ACOXL: variants seen among roughly 807,000 people sequenced by gnomAD.
ACOXL encodes the protein acyl-CoA oxidase like.
A neutral mutation model predicts 71.9 loss-of-function variants in ACOXL; 70 were observed. The ratio of observed to expected loss-of-function variants is 0.97; its 90% CI spans 0.80 to 1.19. The LOEUF is 1.19. Ranked by LOEUF, ACOXL falls within the 50% of genes most tolerant of loss-of-function variation. ACOXL has a pLI of 0.00. For synonymous variants in ACOXL, 253 were observed against 281.6 expected, an observed-to-expected ratio of 0.90 and a Z score of 1.02; for missense variants, 703 against 736.3, an observed-to-expected ratio of 0.95 and a Z score of 0.52.
At chr2:111,006,255 T>C (rs1292127702) in intron 14 of ACOXL, among the ~76,000 whole-genome samples, 1 of 152,226 alleles carries the variant, frequency 6.6e-6, no homozygotes, top group Non-Finnish European at 1.5e-5. Context: ...CCCTCTTTGC[T>C]CACTGGGGCT....
rs530275837 is a variant in ACOXL at position 110,996,236 on chromosome 2, C to T, written c.1281+232C>T. Among the ~76,000 whole-genome samples the T allele has an allele frequency of 7.2e-5, 11 of 152,238 alleles. No individual in the cohort carries two copies. The South Asian group carries it at 2.1e-3, about 29-fold the overall frequency. On this transcript the variant is annotated intron_variant, in intron 14 of 17. Coordinates refer to ENST00000439055, the MANE Select transcript of ACOXL (RefSeq NM_001142807.4). ...CTTGTAGAATTCCACCTGCAGGCAT[C>T]ATGTGGCTGCCATGGGAGTTGATGA...
At chr2:111,093,023 T>G in intron 17 of ACOXL, 57 bp downstream of exon 17, 1 of 1,439,036 alleles carries the variant, frequency 6.9e-7, no homozygotes, top group South Asian at 1.2e-5. Flanking sequence ...TCTCCTTGCT[T>G]TCTTAGAAAA....
intron 15 of ACOXL, among the ~76,000 whole-genome samples, chr2:111,045,143 G>A (rs1253337785): frequency 1.3e-5 from 2 of 152,196 alleles, no homozygotes; most frequent in Non-Finnish European, 2.9e-5. Context: ...GAGTCCCTTA[G>A]GGAGACTCAT....
At chr2:110,946,924 T>C (rs2061131610) in intron 12 of ACOXL, among the ~76,000 whole-genome samples, 2 of 152,146 alleles carry the variant, frequency 1.3e-5, no homozygotes, top group South Asian at 4.2e-4. Context: ...TCCCCTTTGG[T>C]GAGTCAAGGA....
intron 3 of ACOXL, 42 bp from the exon 4 acceptor site, chr2:110,793,608 C>T: frequency 6.4e-7 from 1 of 1,559,206 alleles, no homozygotes; most frequent in South Asian, 1.1e-5. Flanking sequence ...CTTTAGATTG[C>T]TGACTGTTGC....
At chr2:110,752,039 T>C (rs78407961) in intron 1 of ACOXL, among the ~76,000 whole-genome samples, 4 of 150,002 alleles carry the variant, frequency 2.7e-5, no homozygotes, top group Middle Eastern at 3.5e-3. Flanking sequence ...TTTTTTTTTT[T>C]CCAGATGGAG....
chr2:110,933,439 G>A lies in ACOXL; in HGVS notation c.906-50G>A, dbSNP rs2060551031. ...TCACAGATAATGCTCCTTCACACAT[G>A]TGCTGACTGCACCGCCACTTCCATC... On this transcript the variant is annotated intron_variant, in intron 11 of 17. Transcript: ENST00000439055. The A allele has an allele frequency of 3.2e-6, 5 of 1,586,958 alleles. No individual in the cohort carries two copies. The South Asian group carries it at 3.4e-5, about 11-fold the overall frequency.
intron 10 of ACOXL, among the ~76,000 whole-genome samples, chr2:110,862,204 C>T (rs914553794): frequency 6.6e-6 from 1 of 152,192 alleles, no homozygotes; most frequent in Admixed American, 6.5e-5. Context: ...GTCTCAGCCA[C>T]ATGCGACATT....
chr2:110,773,491 C>A (rs139567222), intron 2 of ACOXL, among the ~76,000 whole-genome samples: 1 of 152,350 alleles, frequency 6.6e-6, no homozygotes, highest in Non-Finnish European at 1.5e-5. Flanking sequence ...CCAGGCCCCA[C>A]CCTGTTGCCC....
chr2:110,787,872 C>T (rs1249195003), intron 3 of ACOXL, among the ~76,000 whole-genome samples: 1 of 152,192 alleles, frequency 6.6e-6, no homozygotes, highest in Non-Finnish European at 1.5e-5. Context: ...CCCATCCACT[C>T]GCTGTCACCT....
intron 1 of ACOXL, among the ~76,000 whole-genome samples, chr2:110,743,975 G>A (rs1054759827): frequency 1.3e-5 from 2 of 152,204 alleles, no homozygotes; most frequent in Admixed American, 6.5e-5. Flanking sequence ...CTTCTGCTGG[G>A]TACAATTGGG....
At chr2:110,825,249 A>AT (rs748777218) in intron 9 of ACOXL, among the ~76,000 whole-genome samples, 1 of 152,124 alleles carries the variant, frequency 6.6e-6, no homozygotes, top group East Asian at 1.9e-4. Flanking sequence ...AAGACAACAG[A>AT]TTTTTTCACA....
At chr2:110,763,764 G>C (rs977680825) in intron 1 of ACOXL, among the ~76,000 whole-genome samples, 2 of 152,262 alleles carry the variant, frequency 1.3e-5, no homozygotes, top group East Asian at 3.9e-4. Flanking sequence ...TGGATTGGGA[G>C]AAAATATTTG....
At chr2:111,012,605 A>G (rs1039142612) in intron 14 of ACOXL, among the ~76,000 whole-genome samples, 2 of 152,356 alleles carry the variant, frequency 1.3e-5, no homozygotes, top group African/African-American at 2.4e-5. Context: ...AGTGTATTCT[A>G]TGTTGACAAT....
chr2:110,798,688 G>A lies in ACOXL; in HGVS notation c.424G>A (p.Val142Ile), dbSNP rs1355513705. 2 of 1,614,150 alleles carry A rather than the reference G, an allele frequency of 1.2e-6. No homozygotes were observed. Among genetic ancestry groups the A allele is most frequent in the South Asian group, 2.2e-5 (2 of 91,084 alleles). The change falls in exon 6 of 18, where the codon GTC becomes ATC. Residue 142 changes from valine to isoleucine, a missense_variant. Physicochemically the swap from Val to Ile is conservative, Grantham distance 29 (BLOSUM62 3). Coordinates refer to ENST00000439055, the MANE Select transcript of ACOXL (RefSeq NM_001142807.4). ...TGCCATGTACGGGAATTATGCAGCT[G>A]TCTTTGCCCAGCTCATCATAGATGG... ...GNAMYGNYAA[V>I]FAQLIIDGRS...
chr2:110,894,222 T>G (rs922654113), intron 10 of ACOXL, among the ~76,000 whole-genome samples: 7 of 150,678 alleles, frequency 4.6e-5, no homozygotes, highest in African/African-American at 1.7e-4. Flanking sequence ...CTTTGAAAGG[T>G]GGAGACAAGA....
intron 9 of ACOXL, among the ~76,000 whole-genome samples, chr2:110,832,524 G>A (rs374877782): frequency 1.0e-4 from 14 of 135,992 alleles, no homozygotes; most frequent in East Asian, 8.5e-4. Context: ...CGGCCTGGGC[G>A]ACAGAGCGAG....
At position 111,118,539 on chromosome 2, in the gene ACOXL, C is replaced by G. The variant is rs1278151420; in HGVS notation, c.*723C>G. Among the ~76,000 whole-genome samples, 1 of 152,170 alleles carries G rather than the reference C, an allele frequency of 6.6e-6. No individual in the cohort carries two copies. The highest frequency in any genetic ancestry group is 1.9e-4 in the East Asian group (1 of 5,192). On this transcript the variant is annotated 3_prime_UTR_variant, in exon 18 of 18. Coordinates refer to ENST00000439055, the MANE Select transcript of ACOXL (RefSeq NM_001142807.4). The stretch of plus-strand genomic sequence containing the variant: ...TGAAAAGTTTAATAAAGAAATTAAG[C>G]GATGTGGAAGTCGTTCCCGCTGCTT...
chr2:110,819,124 G>T (rs1159179540), intron 9 of ACOXL, among the ~76,000 whole-genome samples: 1 of 152,214 alleles, frequency 6.6e-6, no homozygotes, highest in Non-Finnish European at 1.5e-5. Flanking sequence ...AGCATGTGTG[G>T]ATGTTTAGCT....
Sources: gnomAD v4.1 joint callset for allele counts (sites outside exome capture counted in the v4.1 genomes callset) on GRCh38, gnomAD v4.1.1 for gene constraint, MANE v1.5 for transcripts, NCBI Gene and HGNC (gene_info 2026-07-23, HGNC 2026-07-21) for gene names.